COG5: variants seen among roughly 807,000 people sequenced by gnomAD.
COG5 encodes component of oligomeric golgi complex 5, also known as conserved oligomeric Golgi complex subunit 5.
Under a neutral mutation model 110.4 loss-of-function variants are expected in COG5, and 86 were observed. The ratio of observed to expected loss-of-function variants is 0.78; its 90% CI spans 0.65 to 0.93. COG5 has a LOEUF of 0.93. COG5 is among the 40% of genes least tolerant of loss of function. COG5 has a pLI of 0.00. For synonymous variants in COG5, 360 were observed against 334.6 expected (o/e 1.08, Z -0.83); for missense variants, 1,077 against 987.0 (o/e 1.09, Z -1.22).
intron 6 of COG5, among the ~76,000 whole-genome samples, chr7:107,512,046 G>A (rs1218986363): frequency 3.3e-5 from 5 of 152,150 alleles, no homozygotes; most frequent in South Asian, 2.1e-4. Flanking sequence ...TTCTGGCCAG[G>A]GCAATTAGGC....
At chr7:107,351,396 T>C (rs1444474914) in intron 10 of COG5, among the ~76,000 whole-genome samples, 1 of 152,160 alleles carries the variant, frequency 6.6e-6, no homozygotes, top group Non-Finnish European at 1.5e-5. Context: ...GACATAGGCA[T>C]GGGCAAGGAC....
At chr7:107,533,868 A>C (rs770258117) in intron 5 of COG5, among the ~76,000 whole-genome samples, 7 of 151,742 alleles carry the variant, frequency 4.6e-5, no homozygotes, top group Non-Finnish European at 1.0e-4. Flanking sequence ...TAATCATCAG[A>C]TTCACCAAGG....
intron 6 of COG5, among the ~76,000 whole-genome samples, chr7:107,490,688 C>G (rs1797925658): frequency 6.6e-6 from 1 of 152,150 alleles, no homozygotes; most frequent in Non-Finnish European, 1.5e-5. Context: ...ATCTTCCTAA[C>G]AGTCCTCTGA....
intron 10 of COG5, among the ~76,000 whole-genome samples, chr7:107,343,975 G>A (rs746418053): frequency 6.6e-6 from 1 of 151,388 alleles, no homozygotes; most frequent in African/African-American, 2.4e-5. Context: ...TCAATTTATA[G>A]AGCACAAGCA....
At chr7:107,302,178 G>T (rs1807320351) in intron 11 of COG5, among the ~76,000 whole-genome samples, 1 of 152,108 alleles carries the variant, frequency 6.6e-6, no homozygotes, top group South Asian at 2.1e-4. Flanking sequence ...ATATATCCAT[G>T]CAATGGAATA....
At chr7:107,424,807 T>G (rs1006710715) in intron 6 of COG5, among the ~76,000 whole-genome samples, 1 of 152,178 alleles carries the variant, frequency 6.6e-6, no homozygotes, top group African/African-American at 2.4e-5. Flanking sequence ...TACATTAAAG[T>G]GTTTTGTTCC....
chr7:107,298,574 T>C (rs893319061), intron 11 of COG5, among the ~76,000 whole-genome samples: 6 of 152,000 alleles, frequency 3.9e-5, no homozygotes, highest in South Asian at 2.1e-4. Flanking sequence ...TTAAAAAAAA[T>C]AGAAAAGCCC....
Position 107,519,109 on chromosome 7 carries a change from A to G in COG5, c.538+8128T>C, listed in dbSNP as rs192533843. Among the ~76,000 whole-genome samples, 3 of 152,356 alleles carry G rather than the reference A, an allele frequency of 2.0e-5. No individual in the cohort carries two copies. In the East Asian group the frequency reaches 5.8e-4, roughly 29 times the overall value. On this transcript the variant is annotated intron_variant, in intron 6 of 21. Coordinates refer to ENST00000297135, the MANE Select transcript of COG5 (RefSeq NM_006348.5). ...GAAGTTCTTTGAAACCAATTAGAAC[A>G]AAGAGACAACATACCAGAATCTCTG...
chr7:107,486,798 T>G (rs949035975), intron 6 of COG5, among the ~76,000 whole-genome samples: 2 of 152,158 alleles, frequency 1.3e-5, no homozygotes, highest in African/African-American at 2.4e-5. Context: ...TTAAGTAGTG[T>G]TGGAAAAGTA....
intron 18 of COG5, among the ~76,000 whole-genome samples, chr7:107,236,192 T>C (rs1260377551): frequency 6.6e-6 from 1 of 152,196 alleles, no homozygotes; most frequent in Non-Finnish European, 1.5e-5. Context: ...GCTGCTTTCC[T>C]GTGGAATGAG....
intron 5 of COG5, among the ~76,000 whole-genome samples, chr7:107,537,421 G>C (rs939930423): frequency 6.6e-6 from 1 of 152,112 alleles, no homozygotes; most frequent in East Asian, 1.9e-4. Flanking sequence ...AAAAAAGAAT[G>C]AGCTCATGTC....
rs1416858083 is a variant in COG5 at position 107,563,799 on chromosome 7, T to G, written c.94+4A>C. ...CACGACCTGGTCAGACCCCGTCTCC[T>G]TACCGTCCTGCAGAAGTTCCCGGAC... is the stretch of plus-strand genomic sequence containing the variant. On this transcript the variant is annotated splice_donor_region_variant and intron_variant, in intron 1 of 21. Coordinates refer to ENST00000297135, the MANE Select transcript of COG5 (RefSeq NM_006348.5). 26 of 1,613,854 alleles carry G rather than the reference T, an allele frequency of 1.6e-5. No individual in the cohort carries two copies. The highest frequency in any genetic ancestry group is 2.2e-5 in the Non-Finnish European group (26 of 1,179,858).
At chr7:107,365,754 A>G (rs1210921355) in intron 8 of COG5, among the ~76,000 whole-genome samples, 1 of 152,074 alleles carries the variant, frequency 6.6e-6, no homozygotes, top group Non-Finnish European at 1.5e-5. Flanking sequence ...AGGATTCAAC[A>G]CTGAAATGGC....
intron 17 of COG5, among the ~76,000 whole-genome samples, chr7:107,246,534 C>A (rs1037781552): frequency 3.3e-5 from 5 of 152,010 alleles, no homozygotes; most frequent in African/African-American, 1.2e-4. Context: ...AACAAACAAC[C>A]CCATTAAAAG....
intron 10 of COG5, among the ~76,000 whole-genome samples, chr7:107,347,212 T>C (rs1217910742): frequency 6.6e-6 from 1 of 152,146 alleles, no homozygotes; most frequent in Non-Finnish European, 1.5e-5. Flanking sequence ...TAAAAAGAGG[T>C]ATTACGTATG....
chr7:107,350,888 T>C (rs139666880), intron 10 of COG5, among the ~76,000 whole-genome samples: 2 of 152,310 alleles, frequency 1.3e-5, no homozygotes, highest in African/African-American at 4.8e-5. Context: ...CATTCACCTA[T>C]CACTCACAAA....
intron 7 of COG5, among the ~76,000 whole-genome samples, chr7:107,397,333 C>T (rs919400217): frequency 4.6e-5 from 7 of 152,120 alleles, no homozygotes; most frequent in Admixed American, 2.0e-4. Context: ...CAAAAGCACA[C>T]TAAGGATGAT....
chr7:107,421,587 T>G (rs1793295196), intron 6 of COG5, among the ~76,000 whole-genome samples: 1 of 152,086 alleles, frequency 6.6e-6, no homozygotes, highest in Admixed American at 6.5e-5. Flanking sequence ...GGTCAGGAGT[T>G]CAAGACCAGA....
intron 10 of COG5, among the ~76,000 whole-genome samples, chr7:107,327,167 C>T (rs1324295056): frequency 6.6e-6 from 1 of 152,036 alleles, no homozygotes. Flanking sequence ...CAATCTTGAA[C>T]AAGGGTGCCA....
Sources: gnomAD v4.1 joint callset for allele counts (sites outside exome capture counted in the v4.1 genomes callset) on GRCh38, gnomAD v4.1.1 for gene constraint, MANE v1.5 for transcripts, NCBI Gene and HGNC (gene_info 2026-07-23, HGNC 2026-07-21) for gene names.